XRCC1: variants seen among roughly 807,000 people sequenced by gnomAD.
The protein encoded by XRCC1 is X-ray repair cross complementing 1, also known as DNA repair protein XRCC1.
In XRCC1, 52 loss-of-function variants were observed where a neutral mutation model predicts 83.3. The ratio of observed to expected loss-of-function variants is 0.62; its 90% CI spans 0.50 to 0.79. The LOEUF (loss-of-function observed/expected upper bound fraction) is 0.79, where lower values mean the gene tolerates loss of function less well. Ranked by LOEUF, XRCC1 falls within the 30% of genes least tolerant of loss-of-function variation. The pLI, the probability that XRCC1 is intolerant of heterozygous loss-of-function variation, is 0.00. For synonymous variants in XRCC1, 281 were observed against 312.6 expected (o/e 0.90, Z 1.07); for missense variants, 793 against 823.5 (o/e 0.96, Z 0.45).
intron 2 of XRCC1, among the ~76,000 whole-genome samples, chr19:43,571,766 C>T (rs1410274670): frequency 6.6e-6 from 1 of 152,182 alleles, no homozygotes; most frequent in Non-Finnish European, 1.5e-5. Flanking sequence ...GGATTATAGG[C>T]GTGAGCTTAC....
intron 10 of XRCC1, 39 bp downstream of exon 10, chr19:43,551,532 G>A (rs2146048634): frequency 6.4e-7 from 1 of 1,554,866 alleles, no homozygotes; most frequent in Non-Finnish European, 8.9e-7. Context: ...GCATTGCCCA[G>A]CACAGGATAA....
rs777272152 is a variant in XRCC1, at chr19:43,552,176, C to T, written c.923G>A (p.Arg308Gln). Residue 308 changes from arginine to glutamine, a missense_variant, in exon 9 of 17, where the codon CGA becomes CAA. Arg to Gln is a conservative substitution (Grantham distance 43). Transcript: ENST00000262887. ...CAGCTCCTCTGGGCCAGCTCGGGGTCGTCTGGGCTCGGTGCCTTCTCCTCG... is the reference window on the plus strand; with the variant it reads ...CAGCTCCTCTGGGCCAGCTCGGGGTTGTCTGGGCTCGGTGCCTTCTCCTCG... ...KPRGEGTEPR[R>Q]PRAGPEELGK... 13 of 1,613,938 alleles carry T rather than the reference C, an allele frequency of 8.1e-6. No individual in the cohort carries two copies. Among genetic ancestry groups the T allele is most frequent in the South Asian group, 6.6e-5 (6 of 91,084 alleles).
intron 2 of XRCC1, chr19:43,574,654 G>C (rs974525430): frequency 4.5e-5 from 21 of 468,080 alleles, no homozygotes; most frequent in African/African-American, 3.7e-4. Flanking sequence ...TTCCAGCTGA[G>C]GAAACTGGAA....
intron 2 of XRCC1, among the ~76,000 whole-genome samples, chr19:43,567,944 G>A (rs1287944124): frequency 6.7e-6 from 1 of 149,534 alleles, no homozygotes; most frequent in Non-Finnish European, 1.5e-5. Flanking sequence ...GCACGATCTC[G>A]GCTCTCTGCA....
chr19:43,573,635 G>A (rs2040095002), intron 2 of XRCC1, among the ~76,000 whole-genome samples: 1 of 152,120 alleles, frequency 6.6e-6, no homozygotes, highest in Non-Finnish European at 1.5e-5. Flanking sequence ...CACTTTGGGA[G>A]GCTGAAGCAG....
chr19:43,561,190 T>C (rs1026456770), intron 2 of XRCC1, among the ~76,000 whole-genome samples, 170 bp from the exon 3 acceptor site: 1 of 152,142 alleles, frequency 6.6e-6, no homozygotes, highest in African/African-American at 2.4e-5. Context: ...GCACAGGGTA[T>C]GGCATGGAGC....
At chr19:43,547,279 A>C (rs1216864482) in intron 10 of XRCC1, among the ~76,000 whole-genome samples, 5 of 150,902 alleles carry the variant, frequency 3.3e-5, no homozygotes, top group Non-Finnish European at 7.4e-5. Flanking sequence ...CTCTGCCTCC[A>C]GGTTCGAGCG....
chr19:43,548,392 A>T (rs1972539941), intron 10 of XRCC1, among the ~76,000 whole-genome samples: 1 of 152,252 alleles, frequency 6.6e-6, no homozygotes, highest in Non-Finnish European at 1.5e-5. Flanking sequence ...GTGTAGAAAG[A>T]AGTAGACATG....
At chr19:43,553,189 C>A in intron 6 of XRCC1, 98 bp from the exon 7 acceptor site, 2 of 1,342,392 alleles carry the variant, frequency 1.5e-6, no homozygotes, top group Admixed American at 2.1e-5. Flanking sequence ...CAAAACCCAC[C>A]AGTGATCCAG....
intron 2 of XRCC1, among the ~76,000 whole-genome samples, chr19:43,567,299 CTTTA>C (rs1333519436): frequency 8.0e-5 from 12 of 149,768 alleles, no homozygotes; most frequent in Non-Finnish European, 1.5e-4. Flanking sequence ...GAAATGTGCA[CTTTA>C]TTTATTTATT....
chr19:43,559,117 G>C (rs1423532667), intron 3 of XRCC1, among the ~76,000 whole-genome samples: 1 of 151,732 alleles, frequency 6.6e-6, no homozygotes, highest in Non-Finnish European at 1.5e-5. Flanking sequence ...CTCCAGCCTG[G>C]CCAACAGAGT....
At position 43,552,240 on chromosome 19, in the gene XRCC1, C is replaced by A; in HGVS notation, c.859G>T (p.Val287Phe). The A allele has an allele frequency of 1.2e-6, 2 of 1,612,322 alleles. No homozygotes were observed. Among genetic ancestry groups the A allele is most frequent in the East Asian group, 4.5e-5 (2 of 44,822 alleles). ...ACTGCCCCCTGTGCTCGGGCAGGGA[C>A]TGGGGCTGTGGCTGGGGTACGAGTT... is the stretch of plus-strand genomic sequence containing the variant. ...APTRTPATAP[V>F]PARAQGAVTG... The change falls in exon 9 of 17, where the codon GTC (valine) becomes TTC (phenylalanine). Residue 287 changes from valine (V) to phenylalanine (F), a missense_variant. Transcript: ENST00000262887.
intron 3 of XRCC1, among the ~76,000 whole-genome samples, chr19:43,556,037 C>T (rs574375868): frequency 2.0e-5 from 3 of 152,182 alleles, no homozygotes; most frequent in South Asian, 2.1e-4. Flanking sequence ...TAGAGATGCA[C>T]GACACCACAC....
intron 2 of XRCC1, among the ~76,000 whole-genome samples, chr19:43,563,658 C>T (rs1972724031): frequency 6.6e-6 from 1 of 152,180 alleles, no homozygotes; most frequent in South Asian, 2.1e-4. Context: ...AATCCCCCTG[C>T]CTAGACCACT....
chr19:43,575,027 AATTAGGGCACAGAG>A (rs1385690993), intron 1 of XRCC1, 25 bp from the exon 2 acceptor site: 2 of 1,586,794 alleles, frequency 1.3e-6, no homozygotes, highest in South Asian at 2.2e-5. Flanking sequence ...GGGAGAGGAG[AATTAGGGCACAGAG>A]ATGACAGCTA....
chr19:43,552,739 T>G (rs1972593821), intron 8 of XRCC1, 58 bp downstream of exon 8: 1 of 1,471,404 alleles, frequency 6.8e-7, no homozygotes. Flanking sequence ...CCAGCCCCGC[T>G]TCCCCTAGGA....
intron 2 of XRCC1, among the ~76,000 whole-genome samples, chr19:43,573,043 C>T (rs1972819887): frequency 6.6e-6 from 1 of 151,118 alleles, no homozygotes; most frequent in Admixed American, 6.6e-5. Context: ...ATCAATCCTC[C>T]CCGCTCAGCC....
chr19:43,570,111 T>C (rs972242829), intron 2 of XRCC1, among the ~76,000 whole-genome samples: 1 of 152,210 alleles, frequency 6.6e-6, no homozygotes, highest in South Asian at 2.1e-4. Context: ...ACTCTATGTA[T>C]GTTACACATC....
chr19:43,549,314 C>T (rs1198134368), intron 10 of XRCC1, among the ~76,000 whole-genome samples: 1 of 152,092 alleles, frequency 6.6e-6, no homozygotes, highest in East Asian at 1.9e-4. Flanking sequence ...GGCTGGAGTG[C>T]AGTGGCATGA....
Sources: gnomAD v4.1 joint callset for allele counts (sites outside exome capture counted in the v4.1 genomes callset) on GRCh38, gnomAD v4.1.1 for gene constraint, MANE v1.5 for transcripts, NCBI Gene and HGNC (gene_info 2026-07-23, HGNC 2026-07-21) for gene names.